CCDC73: variants seen among roughly 807,000 people sequenced by gnomAD.
The protein encoded by CCDC73 is coiled-coil domain-containing protein 73.
Under a neutral mutation model 116.5 loss-of-function variants are expected in CCDC73, and 95 were observed. That is an observed-to-expected ratio of 0.82 (90% CI 0.69 to 0.97). CCDC73 has a LOEUF of 0.97. Among genes scored for constraint, CCDC73 ranks in the 50% least tolerant of loss-of-function variants. The pLI is 0.00. For synonymous variants in CCDC73, 398 were observed against 401.3 expected, an observed-to-expected ratio of 0.99 and a Z score of 0.10; for missense variants, 1,066 against 1,206.8, an observed-to-expected ratio of 0.88 and a Z score of 1.73.
intron 2 of CCDC73, among the ~76,000 whole-genome samples, chr11:32,733,254 C>A (rs1156546093): frequency 6.6e-6 from 1 of 152,162 alleles, no homozygotes; most frequent in Non-Finnish European, 1.5e-5. Flanking sequence ...TTCAGGAGCA[C>A]CCAGTTTCAT....
rs557610563 is a variant in CCDC73, at chr11:32,750,113, G to A, written c.135+9996C>T. The stretch of plus-strand genomic sequence containing the variant: ...TCTCAAACTCCTGACCTCGTGATCC[G>A]CCTGCCTCAGCCTCCCAAAATGCTG... On this transcript the variant is annotated intron_variant, in intron 2 of 17. Transcript: ENST00000335185. 1.6e-4 allele frequency among the ~76,000 whole-genome samples: 24 copies of A among 151,984 alleles called. No homozygotes were observed. The East Asian group carries it at 3.1e-3, about 20-fold the overall frequency.
chr11:32,822,731 T>G, the CCDC73 span, among the ~76,000 whole-genome samples: 7 of 151,744 alleles, frequency 4.6e-5, no homozygotes, highest in Admixed American at 4.6e-4. Context: ...AAGAAAAAAT[T>G]TTTTGAAGTA....
At position 32,602,741 on chromosome 11, in the gene CCDC73, A is replaced by G; in HGVS notation, c.*70T>C. On this transcript the variant is annotated 3_prime_UTR_variant, in exon 18 of 18. Coordinates refer to ENST00000335185, the MANE Select transcript of CCDC73 (RefSeq NM_001008391.4). ...CTGTAGAGCTTTAAATACAACAGTC[A>G]TTTTATTCTAGTAAAAACTATACCA... 2 of 1,169,314 alleles carry G rather than the reference A, an allele frequency of 1.7e-6. No individual in the cohort carries two copies. Among genetic ancestry groups the G allele is most frequent in the East Asian group, 2.5e-5 (1 of 39,230 alleles). The allele number at this position is 1,169,314 out of a possible 1,614,324, so 72.4% of individuals were successfully genotyped here.
intron 2 of CCDC73, among the ~76,000 whole-genome samples, chr11:32,744,898 A>G (rs563468881): frequency 6.6e-6 from 1 of 151,504 alleles, no homozygotes; most frequent in South Asian, 2.1e-4. Context: ...TTGTATCTCT[A>G]TCTCCTTCAG....
intron 6 of CCDC73, among the ~76,000 whole-genome samples, chr11:32,684,210 C>G (rs966745974): frequency 6.6e-6 from 1 of 152,040 alleles, no homozygotes; most frequent in Non-Finnish European, 1.5e-5. Flanking sequence ...TGCCACCACA[C>G]CTGGCTAATT....
intron 1 of CCDC73, among the ~76,000 whole-genome samples, chr11:32,786,356 A>C (rs1850626321): frequency 9.3e-6 from 1 of 107,800 alleles, no homozygotes; most frequent in Non-Finnish European, 2.0e-5. Context: ...TATTTATTAT[A>C]TAATTATAAT....
chr11:32,754,937 G>T (rs868767278), intron 2 of CCDC73, among the ~76,000 whole-genome samples: 17 of 141,836 alleles, frequency 1.2e-4, no homozygotes, highest in Admixed American at 2.2e-4. Flanking sequence ...ACCCAGGCTG[G>T]AGTACAATGG....
the CCDC73 span, among the ~76,000 whole-genome samples, chr11:32,801,968 T>C: frequency 2.0e-5 from 3 of 152,272 alleles, no homozygotes; most frequent in Non-Finnish European, 2.9e-5. Context: ...CATCTTTAAA[T>C]CAGAGATAAA....
chr11:32,614,995 TCATAAGA>T (rs1278471645), intron 15 of CCDC73, 53 bp from the exon 16 acceptor site: 48 of 1,037,788 alleles, frequency 4.6e-5, no homozygotes, highest in Middle Eastern at 4.9e-4. Context: ...AAGGCTGATT[TCATAAGA>T]CATATTTATC....
intron 6 of CCDC73, among the ~76,000 whole-genome samples, chr11:32,695,152 A>G (rs11031936): frequency 0.2 from 30,037 of 152,032 alleles, 4,080 homozygotes; most frequent in East Asian, 0.67. Context: ...GTGGATCACT[A>G]GAGGTTAGGA....
intron 3 of CCDC73, among the ~76,000 whole-genome samples, chr11:32,706,101 T>C (rs890567491): frequency 1.3e-5 from 2 of 151,748 alleles, no homozygotes; most frequent in African/African-American, 4.8e-5. Flanking sequence ...ACCAGGCAGA[T>C]TTAGAAAAAC....
chr11:32,726,836 A>G (rs1186535955), intron 2 of CCDC73, among the ~76,000 whole-genome samples: 1 of 152,194 alleles, frequency 6.6e-6, no homozygotes, highest in East Asian at 1.9e-4. Context: ...GTATACTTCT[A>G]AGTAGCCCAT....
chr11:32,803,890 T>C, the CCDC73 span, among the ~76,000 whole-genome samples: 1 of 152,066 alleles, frequency 6.6e-6, no homozygotes, highest in South Asian at 2.1e-4. Context: ...CACTGCAACC[T>C]CCCCATCCCA....
chr11:32,685,495 G>A (rs1391602494), intron 6 of CCDC73, among the ~76,000 whole-genome samples: 2 of 152,094 alleles, frequency 1.3e-5, no homozygotes, highest in African/African-American at 2.4e-5. Flanking sequence ...GTTCCCTAAT[G>A]TGGAATAAGG....
chr11:32,669,389 G>A (rs1014094719), intron 9 of CCDC73, among the ~76,000 whole-genome samples: 13 of 152,036 alleles, frequency 8.6e-5, no homozygotes, highest in South Asian at 2.1e-4. Context: ...TCTGATATAC[G>A]TATGCAGTGT....
intron 2 of CCDC73, among the ~76,000 whole-genome samples, chr11:32,757,759 C>T (rs1850356489): frequency 1.3e-5 from 2 of 152,168 alleles, no homozygotes; most frequent in Non-Finnish European, 2.9e-5. Flanking sequence ...TCCACTATCA[C>T]ATCTCTTTCT....
chr11:32,760,169 A>G lies in CCDC73; in HGVS notation c.75T>C (p.Ile25=). The change falls in exon 2 of 18, where the codon ATT becomes ATC. Residue 25 remains isoleucine, a synonymous_variant. Coordinates refer to ENST00000335185, the MANE Select transcript of CCDC73 (RefSeq NM_001008391.4). ...AACTTGTTTTGAAATCTAATAGCTG[A>G]ATAGAAAACAATGTCTCTGAAGAAC... is the stretch of plus-strand genomic sequence containing the variant. ...LQSSSETLFS[I]QLLDFKTSLL... is the part of the protein sequence containing the mutation. The G allele has an allele frequency of 6.2e-7, 1 of 1,601,434 alleles. No individual in the cohort carries two copies. The highest frequency in any genetic ancestry group is 8.5e-7 in the Non-Finnish European group (1 of 1,171,122).
intron 7 of CCDC73, among the ~76,000 whole-genome samples, chr11:32,677,597 T>G (rs1431525976): frequency 1.3e-5 from 2 of 152,116 alleles, no homozygotes; most frequent in Admixed American, 6.6e-5. Context: ...TCTGGTTGAT[T>G]GTGAATGCCT....
chr11:32,615,208 G>A (rs1052807476), intron 15 of CCDC73, among the ~76,000 whole-genome samples: 3 of 151,902 alleles, frequency 2.0e-5, no homozygotes, highest in African/African-American at 4.8e-5. Flanking sequence ...TTTTGTAAAC[G>A]GAAAGTAAGT....
Sources: gnomAD v4.1 joint callset for allele counts (sites outside exome capture counted in the v4.1 genomes callset) on GRCh38, gnomAD v4.1.1 for gene constraint, MANE v1.5 for transcripts, NCBI Gene and HGNC (gene_info 2026-07-23, HGNC 2026-07-21) for gene names.